The following OVCH1 variants were observed in gnomAD, a reference collection of about 807,000 sequenced individuals.
The protein encoded by OVCH1 is ovochymase-1.
OVCH1 carries 139 observed loss-of-function variants against 138.4 expected under a neutral mutation model. The ratio of observed to expected loss-of-function variants is 1.00; its 90% CI spans 0.87 to 1.16. The LOEUF (loss-of-function observed/expected upper bound fraction) is 1.16, where lower values mean the gene tolerates loss of function less well. Ranked by LOEUF, OVCH1 falls within the 50% of genes most tolerant of loss-of-function variation. The pLI is 0.00. For missense variants in OVCH1, 1,367 were observed against 1,357.9 expected (o/e 1.01, Z -0.11); for synonymous variants, 453 against 467.8 (o/e 0.97, Z 0.41).
intron 18 of OVCH1, among the ~76,000 whole-genome samples, chr12:29,463,991 C>T (rs1942228599): frequency 6.6e-6 from 1 of 152,150 alleles, no homozygotes; most frequent in African/African-American, 2.4e-5. Flanking sequence ...GAGCACATGA[C>T]AGCCAGTGGA....
At chr12:29,484,644 G>A (rs1333360519) in intron 8 of OVCH1, among the ~76,000 whole-genome samples, 69 bp downstream of exon 9, 2 of 152,098 alleles carry the variant, frequency 1.3e-5, no homozygotes, top group East Asian at 1.9e-4. Flanking sequence ...TGCTGAAGTA[G>A]AGTGTTTTAA....
At chr12:29,488,048 TATC>T (rs760929520) in intron 6 of OVCH1, among the ~76,000 whole-genome samples, 166 bp from the exon 7 acceptor site, 32 of 152,326 alleles carry the variant, frequency 2.1e-4, no homozygotes, top group Non-Finnish European at 3.4e-4. Context: ...CTTGTGTCCT[TATC>T]ATTAGTTTCA....
chr12:29,474,809 G>A (rs76577468), intron 14 of OVCH1, among the ~76,000 whole-genome samples: 10,762 of 152,088 alleles, frequency 0.071, 402 homozygotes, highest in Non-Finnish European at 0.077. Flanking sequence ...TGTATGTGGC[G>A]TGTGGAATCT....
intron 10 of OVCH1, 28 bp from the exon 11 acceptor site, chr12:29,477,506 A>G: frequency 6.2e-7 from 1 of 1,613,948 alleles, no homozygotes; most frequent in Non-Finnish European, 8.5e-7. Context: ...AAAGTGAAAT[A>G]ACATTACTAA....
At chr12:29,496,598 A>G (rs1482443746) in exon 2 of OVCH1, 8 of 1,613,642 alleles carry the variant, frequency 5.0e-6, no homozygotes, top group Non-Finnish European at 6.8e-6. Context: ...TCCAACTACT[A>G]ATTCTAGAGA....
At chr12:29,433,103 C>T (rs1238720547) in intron 27 of OVCH1, among the ~76,000 whole-genome samples, 1 of 152,196 alleles carries the variant, frequency 6.6e-6, no homozygotes, top group Non-Finnish European at 1.5e-5. Context: ...TGTCCTCCAT[C>T]GAAGTAAACA....
chr12:29,422,418 G>A (rs1472141918), intron 3 of OVCH1, among the ~76,000 whole-genome samples: 1 of 152,146 alleles, frequency 6.6e-6, no homozygotes, highest in Non-Finnish European at 1.5e-5. Flanking sequence ...ACAAAGTGAT[G>A]TCAAGAAGGA....
intron 26 of OVCH1, among the ~76,000 whole-genome samples, chr12:29,436,502 G>A (rs1941362549): frequency 6.6e-6 from 1 of 152,178 alleles, no homozygotes; most frequent in Non-Finnish European, 1.5e-5. Context: ...TTCTCACTCA[G>A]CTCATTTTGT....
At chr12:29,439,194 CT>C (rs1941421984) in intron 26 of OVCH1, 2 of 721,444 alleles carry the variant, frequency 2.8e-6, no homozygotes, top group South Asian at 4.7e-5. Context: ...TATGCCACCC[CT>C]AGAAGCTCAA....
chr12:29,470,274 G>GT (rs1057227093), intron 16 of OVCH1, among the ~76,000 whole-genome samples: 15 of 152,216 alleles, frequency 9.9e-5, no homozygotes, highest in African/African-American at 3.1e-4. Context: ...CTGCAGGTTT[G>GT]TTATATAGGT....
At chr12:29,479,208 G>T (rs761575927) in intron 8 of OVCH1, among the ~76,000 whole-genome samples, 2 of 152,170 alleles carry the variant, frequency 1.3e-5, no homozygotes, top group Non-Finnish European at 2.9e-5. Flanking sequence ...ATTTCATTTA[G>T]TTATAAAATG....
downstream of OVCH1, among the ~76,000 whole-genome samples, chr12:29,409,602 C>A (rs907681411): frequency 3.9e-5 from 6 of 152,096 alleles, no homozygotes; most frequent in Admixed American, 2.0e-4. Flanking sequence ...TTCAGTTTCT[C>A]TGTAGTTGAG....
chr12:29,477,009 A>T, intron 12 of OVCH1, 93 bp downstream of exon 12: 1 of 1,362,800 alleles, frequency 7.3e-7, no homozygotes, highest in Non-Finnish European at 9.6e-7. Flanking sequence ...GCTCCTAGTC[A>T]TAATGGCAAT....
At chr12:29,497,088 C>T (rs1320323887) in intron 1 of OVCH1, among the ~76,000 whole-genome samples, 1 of 152,116 alleles carries the variant, frequency 6.6e-6, no homozygotes, top group East Asian at 1.9e-4. Flanking sequence ...GGCAACATGA[C>T]AAGACCCCAT....
chr12:29,407,098 T>C, the OVCH1 span, among the ~76,000 whole-genome samples: 19 of 152,190 alleles, frequency 1.2e-4, 1 homozygote, highest in South Asian at 3.5e-3. Context: ...GCTGCATAAA[T>C]GTCTTCTTTT....
rs764799131 is a variant in OVCH1 at position 29,464,704 on chromosome 12, T to A, written c.1930-2A>T. 68 of 1,602,294 alleles carry A rather than the reference T, an allele frequency of 4.2e-5. No homozygotes were observed. Among genetic ancestry groups the A allele is most frequent in the Middle Eastern group, 3.3e-4 (2 of 5,992 alleles). The stretch of plus-strand genomic sequence containing the variant: ...TATTATGTGTTTGGCCCTTCTCACC[T>A]GTATCGGTGGCAAGTAAGCAAATTA... On this transcript the variant is annotated splice_acceptor_variant, in intron 17 of 27. Transcript: ENST00000318184. LOFTEE classifies it high-confidence loss of function.
At chr12:29,497,541 T>G in intron 1 of OVCH1, 82 bp downstream of exon 1, 1 of 1,535,790 alleles carries the variant, frequency 6.5e-7, no homozygotes, top group Non-Finnish European at 8.9e-7. Context: ...CCCGACTTCC[T>G]GAGGCAAGGA....
chr12:29,451,689 T>A, intron 21 of OVCH1, 120 bp from the exon 22 acceptor site: 1 of 699,862 alleles, frequency 1.4e-6, no homozygotes, highest in Non-Finnish European at 2.3e-6. Context: ...TTTGTTACTG[T>A]CAGTTACAAA....
In OVCH1 at chr12:29,454,896, G is replaced by A. The variant is rs759309964; in HGVS notation, c.2475C>T (p.Thr825=). ...TGGGTGGTGGCAATTGTTGTTTTAA[G>A]GTTTTGCATTTATTATTTGTCTGAA... The change falls in exon 21 of 28, where the codon ACC becomes ACT. Residue 825 remains threonine (T), a synonymous_variant. Transcript: ENST00000318184. 3 of 1,612,710 alleles carry A rather than the reference G, an allele frequency of 1.9e-6. No homozygotes were observed. In the South Asian group the frequency reaches 3.3e-5, roughly 18 times the overall value.
Sources: gnomAD v4.1 joint callset for allele counts (sites outside exome capture counted in the v4.1 genomes callset) on GRCh38, gnomAD v4.1.1 for gene constraint, MANE v1.5 for transcripts, NCBI Gene and HGNC (gene_info 2026-07-23, HGNC 2026-07-21) for gene names.